Variants in CDH23 observed in about 807,000 individuals in gnomAD.
CDH23 encodes the protein cadherin related 23.
In CDH23, 189 loss-of-function variants were observed where a neutral mutation model predicts 317.1. The observed-to-expected ratio is 0.60, with a 90% CI of 0.53 to 0.67. CDH23 has a LOEUF of 0.67. Ranked by LOEUF, CDH23 falls within the 30% of genes least tolerant of loss-of-function variation. CDH23 has a pLI of 0.00. For missense variants in CDH23, 4,401 were observed against 4,592.4 expected, an observed-to-expected ratio of 0.96 and a Z score of 1.20; for synonymous variants, 1,839 against 1,876.8, an observed-to-expected ratio of 0.98 and a Z score of 0.52.
chr10:71,694,159 C>T lies in CDH23; in HGVS notation c.2189C>T (p.Thr730Ile), dbSNP rs755812129. ...CTCTCTCTGGCAGGGGAAATCACCACCACGTCTCTGCTTGACCGAGAGACC... is the reference window on the plus strand; with the variant it reads ...CTCTCTCTGGCAGGGGAAATCACCATCACGTCTCTGCTTGACCGAGAGACC... ...RINARSGEIT[T>I]TSLLDRETKS... Residue 730 changes from threonine to isoleucine, a missense_variant, in exon 21 of 70, where the codon ACC becomes ATC. Thr to Ile is a moderately conservative substitution (Grantham distance 89). Around this residue, in one of 3 missense-constraint regions of CDH23, gnomAD observed 3,068 missense variants for 3,203.3 expected, o/e 0.96. Transcript: ENST00000224721. The T allele has an allele frequency of 6.2e-6, 10 of 1,613,684 alleles. No individual in the cohort carries two copies. The highest frequency in any genetic ancestry group is 1.7e-6 in the Non-Finnish European group (2 of 1,179,812).
chr10:71,806,252 G>A lies in CDH23; in HGVS notation c.8149G>A (p.Asp2717Asn). ...PLQVALEDID[D>N]NEPLFVRPPK... is the part of the protein sequence containing the mutation. ...GCAGGTGGCCCTGGAGGACATCGATGACAACGAACCCCTTTTCGTGAGGCC... is the reference window on the plus strand; with the variant it reads ...GCAGGTGGCCCTGGAGGACATCGATAACAACGAACCCCTTTTCGTGAGGCC... Residue 2717 changes from aspartate to asparagine, a missense_variant, in exon 57 of 70, where the codon GAC becomes AAC. Coordinates refer to ENST00000224721, the MANE Select transcript of CDH23 (RefSeq NM_022124.6). 6.4e-7 allele frequency: 1 copy of A among 1,569,152 alleles called. No homozygotes were observed. The highest frequency in any genetic ancestry group is 8.6e-7 in the Non-Finnish European group (1 of 1,157,302).
chr10:71,706,546 CT>C (rs1346059781), intron 25 of CDH23, among the ~76,000 whole-genome samples: 1 of 152,266 alleles, frequency 6.6e-6, no homozygotes, highest in African/African-American at 2.4e-5. Flanking sequence ...TAAATGGTCA[CT>C]GTCGTCATCG....
chr10:71,773,467 C>A (rs1214859475), intron 38 of CDH23: 1 of 1,572,188 alleles, frequency 6.4e-7, no homozygotes, highest in Admixed American at 1.9e-5. Flanking sequence ...AGAGGAACTT[C>A]TGGTGCCGGG....
intron 1 of CDH23, among the ~76,000 whole-genome samples, chr10:71,408,646 C>T (rs560435630): frequency 2.0e-5 from 3 of 152,294 alleles, no homozygotes; most frequent in African/African-American, 7.2e-5. Flanking sequence ...CTGCTGCCTG[C>T]CTGAGGGCTG....
At chr10:71,660,696 T>TAA (rs113874947) in intron 14 of CDH23, among the ~76,000 whole-genome samples, 1 of 147,958 alleles carries the variant, frequency 6.8e-6, no homozygotes. Context: ...GTGTCCACCT[T>TAA]AAAAAAAAAA....
Position 71,724,114 on chromosome 10 carries a change from G to C in CDH23, c.3430+9G>C, listed in dbSNP as rs752929224. 6.4e-7 allele frequency: 1 copy of C among 1,554,752 alleles called. No individual in the cohort carries two copies. Among genetic ancestry groups the C allele is most frequent in the African/African-American group, 1.4e-5 (1 of 73,248 alleles). ...GTACCGCATCCTCCATGGTAAGTGG[G>C]GCTGCCCTAGGATGGGGGGCGGTCC... On this transcript the variant is annotated intron_variant, in intron 29 of 69. Transcript: ENST00000224721.
chr10:71,656,911 A>G (rs1377680531), intron 14 of CDH23, among the ~76,000 whole-genome samples: 1 of 152,060 alleles, frequency 6.6e-6, no homozygotes, highest in Non-Finnish European at 1.5e-5. Context: ...AGTGGAGAAT[A>G]GGCGGGGGGT....
At position 71,784,877 on chromosome 10, in the gene CDH23, T is replaced by A. The variant is rs768425772; in HGVS notation, c.5503-14T>A. ...CTCTTCCTCCCCTCCCTCCTCCTTC[T>A]CTGACTGGCCCAGATGCTGGTGGGG... On this transcript the variant is annotated splice_polypyrimidine_tract_variant and intron_variant, in intron 42 of 69. Coordinates refer to ENST00000224721, the MANE Select transcript of CDH23 (RefSeq NM_022124.6). 2 of 1,611,464 alleles carry A rather than the reference T, an allele frequency of 1.2e-6. No homozygotes were observed.
intron 38 of CDH23, among the ~76,000 whole-genome samples, chr10:71,763,910 G>A (rs1243337979): frequency 2.6e-5 from 4 of 152,180 alleles, no homozygotes; most frequent in Admixed American, 6.5e-5. Context: ...ATCCTGGGGC[G>A]CTTGTGTTTA....
At chr10:71,612,292 G>T (rs1057020435) in intron 9 of CDH23, among the ~76,000 whole-genome samples, 6 of 152,008 alleles carry the variant, frequency 3.9e-5, no homozygotes, top group Non-Finnish European at 5.9e-5. Flanking sequence ...TGGACTGTGT[G>T]GGGGGTACTT....
chr10:71,671,126 A>G (rs755247835), intron 14 of CDH23, among the ~76,000 whole-genome samples: 51 of 151,372 alleles, frequency 3.4e-4, no homozygotes, highest in Non-Finnish European at 4.7e-4. Flanking sequence ...TGCCTGGCTA[A>G]TTTTTCTATT....
chr10:71,732,729 TGGTATCCTTCTG>T, intron 32 of CDH23: 1 of 1,176,560 alleles, frequency 8.5e-7, no homozygotes, highest in Non-Finnish European at 1.1e-6. Context: ...CTATGCAGGC[TGGTATCCTTCTG>T]TTTTTCCTTC....
At chr10:71,404,046 C>A (rs976165139) in intron 1 of CDH23, among the ~76,000 whole-genome samples, 1 of 152,154 alleles carries the variant, frequency 6.6e-6, no homozygotes, top group Non-Finnish European at 1.5e-5. Flanking sequence ...GAGCCGAGAT[C>A]GTGCCACTGC....
chr10:71,647,043 T>A, intron 14 of CDH23: 4 of 985,458 alleles, frequency 4.1e-6, no homozygotes, highest in Non-Finnish European at 4.8e-6. Context: ...TGCCCATGGC[T>A]GGACTTGCCC....
At chr10:71,712,157 C>T (rs1190449421) in intron 27 of CDH23, 1 of 155,806 alleles carries the variant, frequency 6.4e-6, no homozygotes, top group Non-Finnish European at 1.4e-5. Flanking sequence ...GTGGCCTCCT[C>T]CTCTCTGTCT....
At chr10:71,577,286 T>C (rs1254093067) in intron 8 of CDH23, among the ~76,000 whole-genome samples, 1 of 151,920 alleles carries the variant, frequency 6.6e-6, no homozygotes, top group Non-Finnish European at 1.5e-5. Flanking sequence ...GCAGAGAGAA[T>C]GAGTAGGGGT....
At chr10:71,431,124 C>T (rs1027010626) in intron 1 of CDH23, among the ~76,000 whole-genome samples, 2 of 152,210 alleles carry the variant, frequency 1.3e-5, no homozygotes, top group Admixed American at 6.5e-5. Flanking sequence ...TCCTGCTGTA[C>T]ACCCTTTCTT....
At chr10:71,617,160 G>A (rs1446103627) in intron 10 of CDH23, 45 bp from the exon 11 acceptor site, 1 of 1,578,342 alleles carries the variant, frequency 6.3e-7, no homozygotes, top group Admixed American at 1.7e-5. Context: ...AGCTGTTGCT[G>A]TGATTAGCTG....
chr10:71,591,860 TG>T lies in CDH23; in HGVS notation c.832+13872del, dbSNP rs1859515459. On this transcript the variant is annotated intron_variant, in intron 9 of 69. Transcript: ENST00000224721. ...TGTTGGATGGAATGGCCCTTGGAAA[TG>T]GGGTGCACTAGCACCCACACGGCAA... Among the ~76,000 whole-genome samples, 3 of 152,108 alleles carry T rather than the reference TG, an allele frequency of 2.0e-5. No individual in the cohort carries two copies. The South Asian group carries it at 6.2e-4, about 32-fold the overall frequency.
Sources: gnomAD v4.1 joint callset for allele counts (sites outside exome capture counted in the v4.1 genomes callset) on GRCh38, gnomAD v4.1.1 for gene constraint, gnomAD v4.1.1 regional missense constraint, MANE v1.5 for transcripts, NCBI Gene and HGNC (gene_info 2026-07-23, HGNC 2026-07-21) for gene names.